LOC128092252: variants seen among roughly 807,000 people sequenced by gnomAD.
At chr15:50,660,105 T>C in the LOC128092252 span, among the ~76,000 whole-genome samples, 3 of 152,200 alleles carry the variant, frequency 2.0e-5, no homozygotes, top group African/African-American at 7.2e-5. Context: ...ACTTGGGAAA[T>C]GTCATTTATC....
the LOC128092252 span, among the ~76,000 whole-genome samples, chr15:50,661,532 C>T: frequency 3.9e-5 from 6 of 151,976 alleles, no homozygotes; most frequent in Non-Finnish European, 7.4e-5. Context: ...GTGAGAGATC[C>T]GTTCAAAGTT....
the LOC128092252 span, among the ~76,000 whole-genome samples, chr15:50,654,227 CCT>C: frequency 0.016 from 2,377 of 148,986 alleles, 48 homozygotes; most frequent in Non-Finnish European, 0.024. Context: ...GGGCGGATCA[CCT>C]GAGGTCAGGA....
chr15:50,673,760 T>C, the LOC128092252 span, among the ~76,000 whole-genome samples: 3 of 152,190 alleles, frequency 2.0e-5, no homozygotes, highest in Non-Finnish European at 2.9e-5. Context: ...TATCTTTTTC[T>C]TATAATGACT....
At chr15:50,678,926 T>C in the LOC128092252 span, among the ~76,000 whole-genome samples, 1 of 152,010 alleles carries the variant, frequency 6.6e-6, no homozygotes, top group Admixed American at 6.6e-5. Context: ...CAGGCTGGAG[T>C]GCAATGGCGT....
At chr15:50,677,000 T>C in the LOC128092252 span, among the ~76,000 whole-genome samples, 2 of 152,132 alleles carry the variant, frequency 1.3e-5, no homozygotes, top group Non-Finnish European at 2.9e-5. Context: ...AGTTTGGAGT[T>C]TGAGTACAAT....
chr15:50,669,968 T>G, the LOC128092252 span, among the ~76,000 whole-genome samples: 1 of 152,320 alleles, frequency 6.6e-6, no homozygotes, highest in African/African-American at 2.4e-5. Flanking sequence ...ACATTGCTGT[T>G]GTACTCTTTG....
the LOC128092252 span, among the ~76,000 whole-genome samples, chr15:50,658,494 T>C: frequency 6.8e-6 from 1 of 147,956 alleles, no homozygotes; most frequent in Non-Finnish European, 1.5e-5. Context: ...TCCTTGAGCA[T>C]GGGAGGTCGA....
chr15:50,657,705 G>C, the LOC128092252 span: 2 of 1,317,682 alleles, frequency 1.5e-6, no homozygotes, highest in African/African-American at 2.9e-5. Flanking sequence ...ATGCCACTGT[G>C]TTCTAACTCA....
At chr15:50,670,627 G>A in the LOC128092252 span, among the ~76,000 whole-genome samples, 2 of 151,984 alleles carry the variant, frequency 1.3e-5, no homozygotes, top group Non-Finnish European at 2.9e-5. Flanking sequence ...TCTGGGAACT[G>A]CCCACCACTT....
the LOC128092252 span, among the ~76,000 whole-genome samples, chr15:50,674,414 G>T: frequency 6.6e-6 from 1 of 152,210 alleles, no homozygotes; most frequent in South Asian, 2.1e-4. Flanking sequence ...TTACAGGGGT[G>T]AGCCGTGGCA....
chr15:50,684,549 G>C, the LOC128092252 span, among the ~76,000 whole-genome samples: 3 of 151,998 alleles, frequency 2.0e-5, no homozygotes, highest in African/African-American at 7.2e-5. Flanking sequence ...GCTGAGGCAG[G>C]AGAATCACTT....
the LOC128092252 span, among the ~76,000 whole-genome samples, chr15:50,651,787 G>C: frequency 3.5e-4 from 54 of 152,194 alleles, no homozygotes; most frequent in Middle Eastern, 0.01. Flanking sequence ...CTACTCGGGA[G>C]GCTGAGGCAG....
the LOC128092252 span, among the ~76,000 whole-genome samples, chr15:50,683,571 T>C: frequency 3.9e-5 from 6 of 151,964 alleles, no homozygotes; most frequent in African/African-American, 1.4e-4. Flanking sequence ...CTGTCTCTAC[T>C]AAAAATACAA....
the LOC128092252 span, among the ~76,000 whole-genome samples, chr15:50,678,459 T>C: frequency 1.3e-5 from 2 of 149,194 alleles, no homozygotes; most frequent in Non-Finnish European, 3.0e-5. Flanking sequence ...TTCAATACAT[T>C]TGACTTTCTG....
the LOC128092252 span, among the ~76,000 whole-genome samples, chr15:50,659,947 G>A: frequency 1.3e-5 from 2 of 152,178 alleles, no homozygotes; most frequent in Admixed American, 6.5e-5. Context: ...TTACAGGCGT[G>A]AGCCACCACA....
the LOC128092252 span, among the ~76,000 whole-genome samples, chr15:50,672,080 G>A: frequency 1.3e-5 from 2 of 151,672 alleles, no homozygotes; most frequent in African/African-American, 2.4e-5. Flanking sequence ...TTTTTGAGAC[G>A]GAGTCTCACT....
At chr15:50,665,668 G>A in the LOC128092252 span, among the ~76,000 whole-genome samples, 1 of 152,122 alleles carries the variant, frequency 6.6e-6, no homozygotes, top group Non-Finnish European at 1.5e-5. Context: ...TGCATGTATA[G>A]GAAAATGTAT....
chr15:50,655,859 G>A, the LOC128092252 span, among the ~76,000 whole-genome samples: 1 of 152,054 alleles, frequency 6.6e-6, no homozygotes, highest in African/African-American at 2.4e-5. Flanking sequence ...GCATGGTGGT[G>A]TGTGCCTGTA....
chr15:50,648,841 G>A, the LOC128092252 span: 14 of 1,612,258 alleles, frequency 8.7e-6, no homozygotes, highest in East Asian at 4.5e-5. Context: ...GGCAAGACTT[G>A]CAGTAAAACA....
Sources: gnomAD v4.1 joint callset for allele counts (sites outside exome capture counted in the v4.1 genomes callset) on GRCh38, gnomAD v4.1.1 for gene constraint, MANE v1.5 for transcripts.